Variants in MYO10 observed in about 807,000 individuals in gnomAD.
MYO10 encodes myosin X.
Under a neutral mutation model 257.3 loss-of-function variants are expected in MYO10, and 133 were observed. The observed-to-expected ratio is 0.52, with a 90% CI of 0.45 to 0.60. The LOEUF (loss-of-function observed/expected upper bound fraction) is 0.60, where lower values mean the gene tolerates loss of function less well. Among genes scored for constraint, MYO10 ranks in the 20% least tolerant of loss-of-function variants. MYO10 has a pLI of 0.00. For synonymous variants in MYO10, 1,104 were observed against 1,028.6 expected (o/e 1.07, Z -1.40); for missense variants, 2,399 against 2,635.7 (o/e 0.91, Z 1.97).
rs73062988 is a variant in MYO10, at chr5:16,885,980, A to G, written c.22-8273T>C. 7.8e-3 allele frequency among the ~76,000 whole-genome samples: 1,181 copies of G among 152,322 alleles called. 14 individuals are homozygous for G. Among genetic ancestry groups the G allele is most frequent in the African/African-American group, 0.026 (1,093 of 41,564 alleles). Reference sequence around the variant, plus strand: ...GGTCCTTGCCATAGAGTACTCAAACAGAGTAGGGCACCCACGACAGCTAAA... The same window carrying G: ...GGTCCTTGCCATAGAGTACTCAAACGGAGTAGGGCACCCACGACAGCTAAA... On this transcript the variant is annotated intron_variant, in intron 1 of 40. Transcript: ENST00000513610.
In MYO10 at chr5:16,865,174, A is replaced by G. The variant is rs561871784; in HGVS notation, c.120+12435T>C. On this transcript the variant is annotated intron_variant, in intron 2 of 40. Coordinates refer to ENST00000513610, the MANE Select transcript of MYO10 (RefSeq NM_012334.3). ...AAGTTTCAAAAAAAAAAGAAGCCAAAAACTATACATCGGATTTTAAAAAAT... is the reference window on the plus strand; with the variant it reads ...AAGTTTCAAAAAAAAAAGAAGCCAAGAACTATACATCGGATTTTAAAAAAT... 7.2e-5 allele frequency among the ~76,000 whole-genome samples: 11 copies of G among 152,228 alleles called. No homozygotes were observed. In the South Asian group the frequency reaches 2.1e-3, roughly 29 times the overall value.
Position 16,762,115 on chromosome 5 carries a change from TAAAAAAAAAAAAAA to T in MYO10, c.1588-16_1588-3del, listed in dbSNP as rs746751894. 38 of 567,578 alleles carry T rather than the reference TAAAAAAAAAAAAAA, an allele frequency of 6.7e-5. No individual in the cohort carries two copies. Among genetic ancestry groups the T allele is most frequent in the African/African-American group, 6.7e-4 (20 of 29,906 alleles). 35.2% of individuals were successfully genotyped at this position (567,578 alleles called of 1,614,324 possible). A position where few individuals can be genotyped will look rare whatever the true frequency, so the allele number is the denominator to read the frequency against. On this transcript the variant is annotated splice_polypyrimidine_tract_variant and splice_region_variant and intron_variant, in intron 15 of 40. Transcript: ENST00000513610. Reference sequence around the variant, plus strand: ...GGGCTTCACATAAAAGTGGTTATTCTAAAAAAAAAAAAAAAAAAAAAAAAAAAAATACAATGCCT... The same window carrying T: ...GGGCTTCACATAAAAGTGGTTATTCTAAAAAAAAAAAAAAATACAATGCCT...
rs370567642 is a variant in MYO10 at position 16,758,103 on chromosome 5, G to C, written c.1848+15C>G. ...AGTAACGACGGATTCCTCTAAGCCA[G>C]CAGTGAAAACGAACCTTGAACTGTG... is the stretch of plus-strand genomic sequence containing the variant. On this transcript the variant is annotated intron_variant, in intron 18 of 40. Transcript: ENST00000513610. 47 of 1,556,884 alleles carry C rather than the reference G, an allele frequency of 3.0e-5. No individual in the cohort carries two copies. In the African/African-American group the frequency reaches 6.1e-4, roughly 20 times the overall value.
At chr5:16,794,962 G>T in intron 3 of MYO10, 129 bp from the exon 4 acceptor site, 1 of 628,398 alleles carries the variant, frequency 1.6e-6, no homozygotes, top group Non-Finnish European at 2.4e-6. Flanking sequence ...CACTGTCCCT[G>T]CCTTTCTGGG....
At chr5:16,682,325 T>C (rs192077468) in intron 30 of MYO10, among the ~76,000 whole-genome samples, 9 of 152,332 alleles carry the variant, frequency 5.9e-5, no homozygotes, top group Admixed American at 5.9e-4. Flanking sequence ...AGGGAAAATT[T>C]TTTTTTGATG....
At position 16,860,941 on chromosome 5, in the gene MYO10, AT is replaced by A. The variant is rs535483207; in HGVS notation, c.120+16667del. 9.2e-5 allele frequency among the ~76,000 whole-genome samples: 14 copies of A among 152,260 alleles called. No individual in the cohort carries two copies. The South Asian group carries it at 2.9e-3, about 32-fold the overall frequency. On this transcript the variant is annotated intron_variant, in intron 2 of 40. Transcript: ENST00000513610. ...CTTGCAAAAGTGTGCTTTCACAACA[AT>A]TTTTTAAGGCAATTATTTTGATACG...
At chr5:16,740,682 A>G (rs1261531772) in intron 19 of MYO10, among the ~76,000 whole-genome samples, 3 of 152,152 alleles carry the variant, frequency 2.0e-5, no homozygotes, top group Non-Finnish European at 2.9e-5. Context: ...CCATCATTCC[A>G]GCCCTCTCGC....
At chr5:16,718,488 GT>G (rs1430475232) in intron 19 of MYO10, among the ~76,000 whole-genome samples, 1 of 152,228 alleles carries the variant, frequency 6.6e-6, no homozygotes, top group African/African-American at 2.4e-5. Flanking sequence ...AGCACCCTGT[GT>G]TTAGCTCAAG....
intron 19 of MYO10, among the ~76,000 whole-genome samples, chr5:16,716,056 GA>G (rs36040969): frequency 5.5e-5 from 8 of 144,794 alleles, no homozygotes; most frequent in Admixed American, 4.1e-4. Flanking sequence ...ACTCCGTCTC[GA>G]AAAAAAAAAA....
chr5:16,681,131 G>A (rs1256872005), intron 32 of MYO10, among the ~76,000 whole-genome samples, 178 bp downstream of exon 32: 2 of 152,086 alleles, frequency 1.3e-5, no homozygotes, highest in Admixed American at 6.5e-5. Flanking sequence ...CCTCTAGTAC[G>A]GCTTAAACAC....
chr5:16,668,255 A>G, intron 40 of MYO10, 22 bp downstream of exon 40: 1 of 1,584,880 alleles, frequency 6.3e-7, no homozygotes, highest in African/African-American at 1.4e-5. Context: ...GAATAAAAAG[A>G]TGAACTTGCT....
intron 2 of MYO10, 87 bp from the exon 3 acceptor site, chr5:16,818,254 A>G (rs12188582): frequency 0.82 from 930,594 of 1,137,154 alleles, 383,652 homozygotes; most frequent in Non-Finnish European, 0.84. Context: ...ATACAATCTC[A>G]GTATAATTTC....
intron 1 of MYO10, among the ~76,000 whole-genome samples, chr5:16,921,103 G>A (rs1166674620): frequency 6.7e-6 from 1 of 148,376 alleles, no homozygotes; most frequent in Non-Finnish European, 1.5e-5. Flanking sequence ...AGGTGACAGA[G>A]CGATACTCCA....
intron 19 of MYO10, among the ~76,000 whole-genome samples, chr5:16,720,648 C>T (rs984913905): frequency 6.6e-6 from 1 of 152,024 alleles, no homozygotes; most frequent in Admixed American, 6.6e-5. Flanking sequence ...TTAGTAAAGA[C>T]GGGATTTCAC....
rs1344578578 is a variant in MYO10 at position 16,710,901 on chromosome 5, A to G, written c.2169+7T>C. The G allele has an allele frequency of 6.2e-7, 1 of 1,611,928 alleles. No individual in the cohort carries two copies. The highest frequency in any genetic ancestry group is 8.5e-7 in the Non-Finnish European group (1 of 1,179,056). On this transcript the variant is annotated splice_region_variant and intron_variant, in intron 21 of 40. Transcript: ENST00000513610. ...TCGGTGGGAGTTGCTCTTTCTCCGCATCGTACCTTGGTCTTCCCCAGCTGC... is the reference window on the plus strand; with the variant it reads ...TCGGTGGGAGTTGCTCTTTCTCCGCGTCGTACCTTGGTCTTCCCCAGCTGC...
chr5:16,769,538 C>T (rs1398194299), intron 9 of MYO10, among the ~76,000 whole-genome samples: 1 of 152,116 alleles, frequency 6.6e-6, no homozygotes, highest in Non-Finnish European at 1.5e-5. Context: ...CTGGGTTTCA[C>T]CATGTTGACC....
chr5:16,856,890 T>A (rs1024511011), intron 2 of MYO10, among the ~76,000 whole-genome samples: 10 of 152,166 alleles, frequency 6.6e-5, no homozygotes, highest in African/African-American at 2.2e-4. Context: ...GACAATGGGA[T>A]AAAAGACCAT....
chr5:16,723,159 G>A (rs574761962), intron 19 of MYO10, among the ~76,000 whole-genome samples: 1 of 139,838 alleles, frequency 7.2e-6, no homozygotes, highest in Admixed American at 6.8e-5. Flanking sequence ...GGCGGATCAC[G>A]AGGTCATGAG....
At chr5:16,853,360 T>C (rs1294077063) in intron 2 of MYO10, among the ~76,000 whole-genome samples, 2 of 148,260 alleles carry the variant, frequency 1.3e-5, no homozygotes, top group Admixed American at 1.4e-4. Context: ...GGCGACAGAG[T>C]GAGACTCCGT....
Sources: gnomAD v4.1 joint callset for allele counts (sites outside exome capture counted in the v4.1 genomes callset) on GRCh38, gnomAD v4.1.1 for gene constraint, MANE v1.5 for transcripts, NCBI Gene and HGNC (gene_info 2026-07-23, HGNC 2026-07-21) for gene names.